The following KCTD15 variants were observed in gnomAD, a reference collection of about 807,000 sequenced individuals.
KCTD15 encodes BTB/POZ domain-containing protein KCTD15.
A neutral mutation model predicts 27.2 loss-of-function variants in KCTD15; 11 were observed. The observed-to-expected ratio is 0.41, with a 90% confidence interval of 0.25 to 0.67. The LOEUF is 0.67. KCTD15 is among the 30% of genes least tolerant of loss of function. The probability of loss-of-function intolerance (pLI) is 0.35; values close to 1 mark genes in which losing one functional copy is unlikely to be tolerated. For synonymous variants in KCTD15, 163 were observed against 176.0 expected, an observed-to-expected ratio of 0.93 and a Z score of 0.58; for missense variants, 350 against 409.3, an observed-to-expected ratio of 0.86 and a Z score of 1.25.
intron 4 of KCTD15, among the ~76,000 whole-genome samples, chr19:33,803,324 T>C (rs1324219024): frequency 6.6e-6 from 1 of 152,236 alleles, no homozygotes; most frequent in Non-Finnish European, 1.5e-5. Flanking sequence ...TTGTCCTTCC[T>C]GTAGTGGATT....
At chr19:33,804,175 C>T (rs1245928683) in intron 4 of KCTD15, among the ~76,000 whole-genome samples, 1 of 152,224 alleles carries the variant, frequency 6.6e-6, no homozygotes, top group East Asian at 1.9e-4. Context: ...CCTTGGCAGC[C>T]TCAGACGCTG....
chr19:33,811,694 C>T (rs771673676), intron 6 of KCTD15, 142 bp downstream of exon 6: 3 of 1,518,770 alleles, frequency 2.0e-6, no homozygotes, highest in East Asian at 2.3e-5. Context: ...AACAATGTGT[C>T]GATGCATAAT....
intron 1 of KCTD15, chr19:33,797,279 T>C (rs1178588589): frequency 2.4e-5 from 6 of 247,298 alleles, no homozygotes; most frequent in Admixed American, 1.4e-4. Context: ...TGTGTGTGTG[T>C]GTGTGCGCGC....
At chr19:33,795,790 T>G (rs1975301642), upstream of KCTD15, 1 of 147,936 alleles carries the variant, frequency 6.8e-6, no homozygotes. Flanking sequence ...CCGCGGGGAG[T>G]CTTGGCTGCC....
intron 4 of KCTD15, among the ~76,000 whole-genome samples, chr19:33,805,811 C>CA (rs1319417143): frequency 6.6e-6 from 1 of 152,222 alleles, no homozygotes; most frequent in Non-Finnish European, 1.5e-5. Flanking sequence ...TCTGCCAGGG[C>CA]AGTTGCCAAA....
In KCTD15 at chr19:33,815,703, T is replaced by G. The variant is rs1463808265; in HGVS notation, c.*2755T>G. The G allele has an allele frequency of 3.3e-5, 5 of 152,066 alleles. No individual in the cohort carries two copies. The highest frequency in any genetic ancestry group is 1.2e-4 in the African/African-American group (5 of 41,420). The allele number at this position is 152,066 out of a possible 1,614,324, so 9.4% of individuals were successfully genotyped here. On this transcript the variant is annotated 3_prime_UTR_variant, in exon 7 of 7. Coordinates refer to ENST00000683859, the MANE Select transcript of KCTD15 (RefSeq NM_001129994.2). ...CAAAAAATGTGTCTTTTTTTTTTTT[T>G]TTTTTAAAGCTACTGCTTGACTGTT...
At chr19:33,805,694 G>A (rs1376643533) in intron 4 of KCTD15, among the ~76,000 whole-genome samples, 2 of 152,222 alleles carry the variant, frequency 1.3e-5, no homozygotes, top group African/African-American at 4.8e-5. Flanking sequence ...ATGTGGTGGT[G>A]CTGCCCTTGG....
At chr19:33,800,585 T>A in intron 3 of KCTD15, 65 bp downstream of exon 3, 3 of 1,396,682 alleles carry the variant, frequency 2.1e-6, no homozygotes, top group Non-Finnish European at 3.0e-6. Context: ...CCCCAGTGCC[T>A]GTTTACTGGC....
At position 33,811,471 on chromosome 19, in the gene KCTD15, C is replaced by G; in HGVS notation, c.612C>G (p.Ser204=). 1.2e-6 allele frequency: 2 copies of G among 1,612,948 alleles called. No homozygotes were observed. The highest frequency in any genetic ancestry group is 1.7e-6 in the Non-Finnish European group (2 of 1,179,804). Residue 204 remains serine (S), a synonymous_variant, in exon 6 of 7, where the codon TCC becomes TCG. Transcript: ENST00000683859. Reference sequence around the variant, plus strand: ...AGACCGGAGACGTCATGTGCAACTCCGTCAACGCCGGCTGGAACCAGGACC... The same window carrying G: ...AGACCGGAGACGTCATGTGCAACTCGGTCAACGCCGGCTGGAACCAGGACC... ...FPETGDVMCN[S]VNAGWNQDPT...
At chr19:33,799,821 T>C (rs546048726) in intron 2 of KCTD15, 1 of 152,504 alleles carries the variant, frequency 6.6e-6, no homozygotes, top group South Asian at 2.1e-4. Flanking sequence ...CAAAGACAGG[T>C]TTTCTCTGCT....
intron 4 of KCTD15, chr19:33,801,886 T>C (rs1975563846): frequency 6.6e-6 from 1 of 152,352 alleles, no homozygotes; most frequent in African/African-American, 2.4e-5. Context: ...CCCTAGAGGC[T>C]AGCAGCAGGC....
chr19:33,809,300 A>T (rs1975811046), intron 5 of KCTD15, among the ~76,000 whole-genome samples: 2 of 152,144 alleles, frequency 1.3e-5, no homozygotes, highest in Non-Finnish European at 2.9e-5. Context: ...TTTACTTTTA[A>T]AGTTTTTTAA....
At chr19:33,811,867 C>G (rs914153919) in intron 6 of KCTD15, 28 of 1,598,240 alleles carry the variant, frequency 1.8e-5, no homozygotes, top group Middle Eastern at 1.7e-4. Flanking sequence ...ACTTTGGATT[C>G]GAACTAAACC....
intron 4 of KCTD15, among the ~76,000 whole-genome samples, chr19:33,803,528 T>G (rs993299933): frequency 6.6e-6 from 1 of 152,052 alleles, no homozygotes; most frequent in Non-Finnish European, 1.5e-5. Flanking sequence ...CTGAGAACTC[T>G]GCCTGAGCCT....
At chr19:33,809,564 G>A (rs528979018) in intron 5 of KCTD15, among the ~76,000 whole-genome samples, 9 of 152,094 alleles carry the variant, frequency 5.9e-5, no homozygotes, top group African/African-American at 2.2e-4. Flanking sequence ...CTGTCATGCA[G>A]TTGTCATTTA....
At chr19:33,811,713 C>T (rs1975930103) in intron 6 of KCTD15, 161 bp downstream of exon 6, 44 of 1,540,414 alleles carry the variant, frequency 2.9e-5, no homozygotes, top group Non-Finnish European at 3.8e-5. Context: ...ATTTATGTCC[C>T]TCTCATAATT....
rs991109437 is a variant in KCTD15, at chr19:33,812,977, C to G, written c.*29C>G. 2.6e-6 allele frequency: 4 copies of G among 1,523,466 alleles called. No individual in the cohort carries two copies. The African/African-American group carries it at 5.5e-5, about 21-fold the overall frequency. The allele number at this position is 1,523,466 out of a possible 1,614,324, so 94.4% of individuals were successfully genotyped here. A position where few individuals can be genotyped will look rare whatever the true frequency, so the allele number is the denominator to read the frequency against. On this transcript the variant is annotated 3_prime_UTR_variant, in exon 7 of 7. Coordinates refer to ENST00000683859, the MANE Select transcript of KCTD15 (RefSeq NM_001129994.2). ...CTGCTTCAGTGCCCACCTGGGCCCC[C>G]CCAGGGACCTGGAAACAGTGCTGGG... is the stretch of plus-strand genomic sequence containing the variant.
intron 5 of KCTD15, among the ~76,000 whole-genome samples, chr19:33,808,159 C>T (rs893239325): frequency 6.6e-6 from 1 of 152,200 alleles, no homozygotes; most frequent in African/African-American, 2.4e-5. Context: ...CTGGGGTACA[C>T]TGGCATGTAT....
chr19:33,804,533 G>A (rs1975655755), intron 4 of KCTD15, among the ~76,000 whole-genome samples: 1 of 152,110 alleles, frequency 6.6e-6, no homozygotes, highest in Admixed American at 6.5e-5. Flanking sequence ...TGGATCTGCT[G>A]ACTCACCTTG....
Sources: allele counts gnomAD v4.1 joint callset (sites outside exome capture counted in the v4.1 genomes callset), GRCh38; gene constraint gnomAD v4.1.1; transcripts MANE v1.5; gene names NCBI Gene and HGNC (gene_info 2026-07-23, HGNC 2026-07-21).